Variants in AGBL4 observed in about 807,000 individuals in gnomAD.
AGBL4 encodes the protein cytosolic carboxypeptidase 6.
A neutral mutation model predicts 66.4 loss-of-function variants in AGBL4; 58 were observed. The ratio of observed to expected loss-of-function variants is 0.87; its 90% CI spans 0.71 to 1.09. The LOEUF (loss-of-function observed/expected upper bound fraction) is 1.09, where lower values mean the gene tolerates loss of function less well. Among genes scored for constraint, AGBL4 ranks in the 50% least tolerant of loss-of-function variants. AGBL4 has a pLI of 0.00. For synonymous variants in AGBL4, 234 were observed against 222.9 expected, an observed-to-expected ratio of 1.05 and a Z score of -0.44; for missense variants, 579 against 631.0, an observed-to-expected ratio of 0.92 and a Z score of 0.88.
intron 4 of AGBL4, among the ~76,000 whole-genome samples, chr1:49,205,193 C>T (rs990606714): frequency 1.3e-5 from 2 of 152,072 alleles, no homozygotes; most frequent in African/African-American, 2.4e-5. Flanking sequence ...TGATTCCCCA[C>T]ATGGCTTTAA....
intron 3 of AGBL4, among the ~76,000 whole-genome samples, chr1:49,320,359 TA>T (rs1320846712): frequency 2.6e-5 from 4 of 152,172 alleles, no homozygotes; most frequent in Non-Finnish European, 5.9e-5. Context: ...TCTACACAGC[TA>T]AAATAAAGGG....
chr1:48,814,630 G>A (rs1489470346), intron 6 of AGBL4, among the ~76,000 whole-genome samples: 3 of 120,482 alleles, frequency 2.5e-5, no homozygotes, highest in African/African-American at 6.2e-5. Context: ...TTTTTTTTTA[G>A]CATCCACATA....
chr1:49,754,266 CTT>C (rs573812769), intron 2 of AGBL4, among the ~76,000 whole-genome samples: 24 of 139,434 alleles, frequency 1.7e-4, no homozygotes, highest in African/African-American at 6.0e-4. Flanking sequence ...CATGGGTGTT[CTT>C]TTTTTTTTTT....
rs12068804 is a variant in AGBL4 at position 48,983,071 on chromosome 1, T to A, written c.594+62513A>T. On this transcript the variant is annotated intron_variant, in intron 5 of 13. Coordinates refer to ENST00000371839, the MANE Select transcript of AGBL4 (RefSeq NM_032785.4). Reference sequence around the variant, plus strand: ...TTTGAAATATAAGTATGATCAGTTGTACAGATGTTATTTTGGGACCAAGTT... The same window carrying A: ...TTTGAAATATAAGTATGATCAGTTGAACAGATGTTATTTTGGGACCAAGTT... Among the ~76,000 whole-genome samples the A allele has an allele frequency of 3.6e-3, 546 of 152,276 alleles. 10 individuals carry two copies. Among genetic ancestry groups the A allele is most frequent in the African/African-American group, 0.012 (517 of 41,546 alleles).
At chr1:48,911,379 A>G (rs1419181927) in intron 5 of AGBL4, among the ~76,000 whole-genome samples, 1 of 152,084 alleles carries the variant, frequency 6.6e-6, no homozygotes, top group Admixed American at 6.5e-5. Flanking sequence ...GCACTTTGGG[A>G]GGCTGAGGCG....
intron 3 of AGBL4, among the ~76,000 whole-genome samples, chr1:49,520,765 T>G (rs1344541964): frequency 6.6e-6 from 1 of 151,956 alleles, no homozygotes; most frequent in East Asian, 1.9e-4. Flanking sequence ...GTGCCACCTC[T>G]TAGCTTTCAA....
In AGBL4 at chr1:49,571,821, A is replaced by G. The variant is rs569314470; in HGVS notation, c.282+125492T>C. On this transcript the variant is annotated intron_variant, in intron 3 of 13. Transcript: ENST00000371839. ...ATCACGTTTTTCTGTTTCTATTGAG[A>G]TGATAGTAGAGTTTTTGTCCTTAAT... Among the ~76,000 whole-genome samples the G allele has an allele frequency of 3.3e-5, 5 of 152,212 alleles. No individual in the cohort carries two copies. In the South Asian group the frequency reaches 1.0e-3, roughly 32 times the overall value.
intron 3 of AGBL4, among the ~76,000 whole-genome samples, chr1:49,435,637 C>G (rs1645887827): frequency 6.6e-6 from 1 of 152,172 alleles, no homozygotes; most frequent in Non-Finnish European, 1.5e-5. Flanking sequence ...CTCTTAAGGA[C>G]TTCTGAAAAT....
At chr1:48,993,755 G>C (rs1660788027) in intron 5 of AGBL4, among the ~76,000 whole-genome samples, 1 of 152,112 alleles carries the variant, frequency 6.6e-6, no homozygotes, top group African/African-American at 2.4e-5. Context: ...AGTTTAGCCT[G>C]TTGTTTCTTT....
At chr1:49,459,813 C>T (rs547596341) in intron 3 of AGBL4, among the ~76,000 whole-genome samples, 10 of 151,800 alleles carry the variant, frequency 6.6e-5, no homozygotes, top group African/African-American at 2.2e-4. Flanking sequence ...GAATAGTTCT[C>T]TTGGCACTGC....
At chr1:49,806,285 C>CA (rs1442700069) in intron 2 of AGBL4, among the ~76,000 whole-genome samples, 2 of 152,112 alleles carry the variant, frequency 1.3e-5, no homozygotes, top group East Asian at 3.9e-4. Flanking sequence ...CATATTAATG[C>CA]AAAATGGAGA....
intron 3 of AGBL4, among the ~76,000 whole-genome samples, chr1:49,551,090 T>A (rs983136249): frequency 3.3e-5 from 5 of 152,214 alleles, no homozygotes; most frequent in African/African-American, 1.2e-4. Flanking sequence ...TCAATTCTAT[T>A]GCTGAGACTT....
intron 2 of AGBL4, among the ~76,000 whole-genome samples, chr1:49,744,766 A>G (rs909060345): frequency 2.0e-5 from 3 of 152,122 alleles, no homozygotes; most frequent in African/African-American, 7.2e-5. Context: ...AGATATAATT[A>G]TATAACAATA....
chr1:48,696,145 T>TA (rs1646710874), intron 6 of AGBL4, among the ~76,000 whole-genome samples: 1 of 152,180 alleles, frequency 6.6e-6, no homozygotes, highest in African/African-American at 2.4e-5. Context: ...AGAGATATTT[T>TA]ATCTCTCTCT....
chr1:49,779,131 C>CA (rs1274075713), intron 2 of AGBL4, among the ~76,000 whole-genome samples: 1 of 151,978 alleles, frequency 6.6e-6, no homozygotes, highest in African/African-American at 2.4e-5. Context: ...TCAAGGTGCT[C>CA]AAAACAATTA....
At chr1:49,859,179 G>A (rs1238543316) in intron 1 of AGBL4, among the ~76,000 whole-genome samples, 1 of 152,062 alleles carries the variant, frequency 6.6e-6, no homozygotes, top group East Asian at 1.9e-4. Context: ...ATCCCTAAAA[G>A]CCACTGGGCA....
At chr1:49,774,137 T>A (rs1382994304) in intron 2 of AGBL4, among the ~76,000 whole-genome samples, 1 of 152,172 alleles carries the variant, frequency 6.6e-6, no homozygotes, top group Non-Finnish European at 1.5e-5. Flanking sequence ...TTCCGGGGAA[T>A]GCACCTGTGT....
intron 5 of AGBL4, among the ~76,000 whole-genome samples, chr1:48,998,965 C>T (rs1259252167): frequency 6.6e-6 from 1 of 152,180 alleles, no homozygotes; most frequent in East Asian, 1.9e-4. Context: ...TACCCAGAAG[C>T]AGAACCAGAA....
At chr1:48,826,639 A>T (rs771929144) in intron 6 of AGBL4, among the ~76,000 whole-genome samples, 3 of 152,246 alleles carry the variant, frequency 2.0e-5, no homozygotes, top group Non-Finnish European at 4.4e-5. Flanking sequence ...GTTAGAGGTT[A>T]CAAACACCTC....
Sources: gnomAD v4.1 joint callset for allele counts (sites outside exome capture counted in the v4.1 genomes callset) on GRCh38, gnomAD v4.1.1 for gene constraint, MANE v1.5 for transcripts, NCBI Gene and HGNC (gene_info 2026-07-23, HGNC 2026-07-21) for gene names.